The following PTPN14 variants were observed in gnomAD, a reference collection of about 807,000 sequenced individuals.
PTPN14 encodes protein tyrosine phosphatase non-receptor type 14.
A neutral mutation model predicts 126.8 loss-of-function variants in PTPN14; 53 were observed. The ratio of observed to expected loss-of-function variants is 0.42; its 90% CI spans 0.34 to 0.53. The LOEUF is 0.53. Among genes scored for constraint, PTPN14 ranks in the 20% least tolerant of loss-of-function variants. PTPN14 has a pLI of 0.08. For synonymous variants in PTPN14, 630 were observed against 599.3 expected (o/e 1.05, Z -0.75); for missense variants, 1,257 against 1,552.9 (o/e 0.81, Z 3.20).
chr1:214,364,744 G>A lies in PTPN14; in HGVS notation c.3272-69C>T. On this transcript the variant is annotated intron_variant, in intron 17 of 18. Coordinates refer to ENST00000366956, the MANE Select transcript of PTPN14 (RefSeq NM_005401.5). The surrounding 1 kb of genome is among the most constrained non-coding windows in gnomAD (Gnocchi z 4.1). Reference sequence around the variant, plus strand: ...CTTCGCATGTAAGTTGGGGAGGGGGGAGCGGAAGAGAACTGATGGTGAGTG... The same window carrying A: ...CTTCGCATGTAAGTTGGGGAGGGGGAAGCGGAAGAGAACTGATGGTGAGTG... The A allele has an allele frequency of 1.3e-6, 2 of 1,503,866 alleles. No homozygotes were observed. Among genetic ancestry groups the A allele is most frequent in the Non-Finnish European group, 9.0e-7 (1 of 1,105,208 alleles). 93.2% of individuals were successfully genotyped at this position (1,503,866 alleles called of 1,614,324 possible). A position where few individuals can be genotyped will look rare whatever the true frequency, so the allele number is the denominator to read the frequency against.
chr1:214,491,530 T>A (rs946323386), intron 1 of PTPN14, among the ~76,000 whole-genome samples: 2 of 152,140 alleles, frequency 1.3e-5, no homozygotes, highest in Non-Finnish European at 2.9e-5. Flanking sequence ...GCAATCTAGA[T>A]CCCTGGCTTG....
At position 214,384,619 on chromosome 1, in the gene PTPN14, G is replaced by C. The variant is rs762982065; in HGVS notation, c.1236C>G (p.Asn412Lys). The C allele has an allele frequency of 8.1e-6, 13 of 1,614,150 alleles. No individual in the cohort carries two copies. The highest frequency in any genetic ancestry group is 1.1e-5 in the Non-Finnish European group (13 of 1,180,026). ...SFIQASPVSSNLSIPGSDIMR... is the reference protein window; with the variant it reads ...SFIQASPVSSKLSIPGSDIMR... ...TGATGTCACTCCCAGGGATACTGAG[G>C]TTGGAGGATACAGGGGAGGCCTGGA... Residue 412 changes from asparagine to lysine, a missense_variant, in exon 13 of 19, where the codon AAC becomes AAG. By Grantham distance (94) the Asn-to-Lys change is moderately conservative. This residue lies in a region of PTPN14 where 1,021 missense variants were observed against 1,183.3 expected (regional missense o/e 0.86). Transcript: ENST00000366956. The surrounding 1 kb of genome is among the most constrained non-coding windows in gnomAD (Gnocchi z 5.3).
At chr1:214,392,344 G>C (rs1386501303) in intron 10 of PTPN14, among the ~76,000 whole-genome samples, 1 of 152,142 alleles carries the variant, frequency 6.6e-6, no homozygotes, top group Non-Finnish European at 1.5e-5. Flanking sequence ...TTTCTTCTTA[G>C]TTTTCAGACT....
intron 2 of PTPN14, among the ~76,000 whole-genome samples, chr1:214,461,859 T>C (rs1660522001): frequency 6.6e-6 from 1 of 152,184 alleles, no homozygotes; most frequent in Admixed American, 6.5e-5. Flanking sequence ...GGTTGTCACC[T>C]TCTCCTCTAA....
chr1:214,416,747 A>AGAAT (rs1659434437), intron 3 of PTPN14, among the ~76,000 whole-genome samples: 1 of 152,224 alleles, frequency 6.6e-6, no homozygotes, highest in African/African-American at 2.4e-5. Flanking sequence ...TGCAGAAACG[A>AGAAT]GAATGAAATT....
chr1:214,534,388 A>G (rs1158079111), intron 1 of PTPN14, among the ~76,000 whole-genome samples: 1 of 152,210 alleles, frequency 6.6e-6, no homozygotes, highest in Non-Finnish European at 1.5e-5. Flanking sequence ...AAGCCACAAG[A>G]GAATGGTTAA....
intron 1 of PTPN14, chr1:214,530,756 C>T (rs1333871796): frequency 6.6e-6 from 1 of 151,864 alleles, no homozygotes; most frequent in East Asian, 1.9e-4. Flanking sequence ...TAGCAGTTTA[C>T]GAAAATATTT....
intron 1 of PTPN14, among the ~76,000 whole-genome samples, chr1:214,467,782 G>C (rs1223852141): frequency 6.6e-6 from 1 of 152,214 alleles, no homozygotes; most frequent in Non-Finnish European, 1.5e-5. Context: ...ATGGCTAGCA[G>C]ATAATCTGGT....
chr1:214,541,527 G>T (rs533839264), intron 1 of PTPN14, among the ~76,000 whole-genome samples: 2 of 152,268 alleles, frequency 1.3e-5, no homozygotes, highest in South Asian at 4.2e-4. Flanking sequence ...TTAGTGAAAT[G>T]TGGAAGTCAA....
chr1:214,398,253 G>C (rs1426478040), intron 7 of PTPN14, among the ~76,000 whole-genome samples: 1 of 152,154 alleles, frequency 6.6e-6, no homozygotes, highest in South Asian at 2.1e-4. Context: ...CAAATAACAC[G>C]TGTTCTCACT....
At chr1:214,533,803 C>G (rs1655624439) in intron 1 of PTPN14, among the ~76,000 whole-genome samples, 1 of 147,698 alleles carries the variant, frequency 6.8e-6, no homozygotes, top group South Asian at 2.1e-4. Context: ...TCCCACTGCA[C>G]TCCAGCCTGG....
At chr1:214,449,808 C>G (rs1394796549) in intron 3 of PTPN14, among the ~76,000 whole-genome samples, 1 of 151,340 alleles carries the variant, frequency 6.6e-6, no homozygotes, top group Non-Finnish European at 1.5e-5. Flanking sequence ...TGCAATTATG[C>G]CATCTACTTA....
In PTPN14 at chr1:214,364,724, C is replaced by T; in HGVS notation, c.3272-49G>A. The T allele has an allele frequency of 6.4e-7, 1 of 1,565,818 alleles. No homozygotes were observed. Among genetic ancestry groups the T allele is most frequent in the South Asian group, 1.2e-5 (1 of 84,894 alleles). On this transcript the variant is annotated intron_variant, in intron 17 of 18. Transcript: ENST00000366956. The surrounding 1 kb of genome is among the most constrained non-coding windows in gnomAD (Gnocchi z 4.1). ...GTCACCAAAGTCCTCCATGGCTTCGCATGTAAGTTGGGGAGGGGGGAGCGG... is the reference window on the plus strand; with the variant it reads ...GTCACCAAAGTCCTCCATGGCTTCGTATGTAAGTTGGGGAGGGGGGAGCGG...
intron 1 of PTPN14, among the ~76,000 whole-genome samples, chr1:214,517,237 A>G (rs1181066827): frequency 6.6e-6 from 1 of 152,206 alleles, no homozygotes; most frequent in East Asian, 1.9e-4. Context: ...TGGTCAGTGT[A>G]CTATAAAATT....
chr1:214,400,614 T>A (rs1008556758), intron 7 of PTPN14, among the ~76,000 whole-genome samples: 2 of 152,148 alleles, frequency 1.3e-5, no homozygotes, highest in African/African-American at 4.8e-5. Flanking sequence ...GAAGTCAGTT[T>A]TCTAGAAGCA....
At chr1:214,443,231 T>G (rs571231071) in intron 3 of PTPN14, among the ~76,000 whole-genome samples, 14 of 152,342 alleles carry the variant, frequency 9.2e-5, no homozygotes, top group African/African-American at 3.4e-4. Flanking sequence ...ATCTACTGTA[T>G]AGTCTTGATT....
chr1:214,544,822 TAA>T (rs1304152860), intron 1 of PTPN14, among the ~76,000 whole-genome samples: 1 of 122,884 alleles, frequency 8.1e-6, no homozygotes, highest in Non-Finnish European at 1.7e-5. Flanking sequence ...GAAGAGGAGG[TAA>T]GAGAGAAAAA....
rs1658031173 is a variant in PTPN14 at position 214,364,601 on chromosome 1, G to A, written c.3346C>T (p.Pro1116Ser). 6.2e-7 allele frequency: 1 copy of A among 1,614,084 alleles called. No homozygotes were observed. Among genetic ancestry groups the A allele is most frequent in the Non-Finnish European group, 8.5e-7 (1 of 1,180,034 alleles). ...MLEGTKNRHP[P>S]IVVHCSAGVG... ...CCAGCACTACAGTGGACCACGATGGGCGGGTGCCGGTTCTTGGTGCCTTCC... is the reference window on the plus strand; with the variant it reads ...CCAGCACTACAGTGGACCACGATGGACGGGTGCCGGTTCTTGGTGCCTTCC... The change falls in exon 18 of 19, where the codon CCC (proline) becomes TCC (serine). Residue 1116 changes from proline to serine, a missense_variant. Transcript: ENST00000366956. The surrounding 1 kb of genome is among the most constrained non-coding windows in gnomAD (Gnocchi z 4.1).
At chr1:214,415,520 T>A (rs1389729281) in intron 3 of PTPN14, among the ~76,000 whole-genome samples, 1 of 152,222 alleles carries the variant, frequency 6.6e-6, no homozygotes, top group African/African-American at 2.4e-5. Context: ...TAGCATTAAT[T>A]CCTGGTAAAT....
Sources: gnomAD v4.1 joint callset for allele counts (sites outside exome capture counted in the v4.1 genomes callset) on GRCh38, gnomAD v4.1.1 for gene constraint, gnomAD v4.1.1 regional missense constraint, Gnocchi (gnomAD v3.1) non-coding constraint, MANE v1.5 for transcripts, NCBI Gene and HGNC (gene_info 2026-07-23, HGNC 2026-07-21) for gene names.